Variants in DSCAM observed in about 807,000 individuals in gnomAD.
DSCAM encodes the protein cell adhesion molecule DSCAM.
Under a neutral mutation model 217.7 loss-of-function variants are expected in DSCAM, and 47 were observed. The observed-to-expected ratio is 0.22, with a 90% CI of 0.17 to 0.28. The LOEUF is 0.28. DSCAM is among the 10% of genes least tolerant of loss of function. The pLI, the probability that DSCAM is intolerant of heterozygous loss-of-function variation, is 1.00. For missense variants in DSCAM, 2,080 were observed against 2,618.3 expected (o/e 0.79, Z 4.49); for synonymous variants, 1,056 against 1,015.3 (o/e 1.04, Z -0.76).
intron 12 of DSCAM, among the ~76,000 whole-genome samples, chr21:40,188,616 AGAT>A (rs1360001891): frequency 2.0e-5 from 3 of 151,694 alleles, no homozygotes; most frequent in Non-Finnish European, 4.4e-5. Context: ...TTTTAACGAC[AGAT>A]TTTTTTTTTA....
intron 4 of DSCAM, among the ~76,000 whole-genome samples, chr21:40,364,251 C>T (rs1305602794): frequency 6.6e-6 from 1 of 152,118 alleles, no homozygotes; most frequent in East Asian, 1.9e-4. Flanking sequence ...AGGCATTATT[C>T]ACAATAGCAA....
chr21:40,501,163 T>G (rs1473832071), intron 3 of DSCAM, among the ~76,000 whole-genome samples: 1 of 152,226 alleles, frequency 6.6e-6, no homozygotes, highest in East Asian at 1.9e-4. Flanking sequence ...ATTTTTAGGA[T>G]AAGTATGCTC....
At chr21:40,762,252 G>A (rs1489753711) in intron 1 of DSCAM, among the ~76,000 whole-genome samples, 1 of 151,756 alleles carries the variant, frequency 6.6e-6, no homozygotes, top group Non-Finnish European at 1.5e-5. Context: ...GAATCAAATA[G>A]ACACAATAAA....
intron 10 of DSCAM, among the ~76,000 whole-genome samples, chr21:40,280,226 G>C (rs2123395207): frequency 7.6e-6 from 1 of 131,390 alleles, no homozygotes; most frequent in African/African-American, 3.1e-5. Flanking sequence ...CTTTTGCCCA[G>C]GTTGGAGGGC....
intron 3 of DSCAM, among the ~76,000 whole-genome samples, chr21:40,428,643 T>A (rs938148095): frequency 2.0e-5 from 3 of 152,118 alleles, no homozygotes; most frequent in Non-Finnish European, 4.4e-5. Flanking sequence ...AAGCAAAAAC[T>A]AAACGAGAAG....
chr21:40,626,515 A>C (rs1158350461), intron 3 of DSCAM, among the ~76,000 whole-genome samples: 5 of 152,232 alleles, frequency 3.3e-5, no homozygotes, highest in African/African-American at 1.2e-4. Flanking sequence ...CATTGAACTT[A>C]GAATCAAATC....
At chr21:40,639,458 G>A (rs1343806346) in intron 3 of DSCAM, among the ~76,000 whole-genome samples, 2 of 152,088 alleles carry the variant, frequency 1.3e-5, no homozygotes, top group East Asian at 1.9e-4. Context: ...TATTTTGTGC[G>A]CTCATGTTTG....
intron 3 of DSCAM, among the ~76,000 whole-genome samples, chr21:40,527,715 AAC>A (rs1226002212): frequency 6.6e-6 from 1 of 152,244 alleles, no homozygotes; most frequent in African/African-American, 2.4e-5. Flanking sequence ...AGTAATAAAT[AAC>A]AGATACACCC....
chr21:40,399,296 CAAAACA>C (rs199558211), intron 3 of DSCAM, among the ~76,000 whole-genome samples: 5,813 of 151,920 alleles, frequency 0.038, 295 homozygotes, highest in Admixed American at 0.15. Context: ...CAAAACAAAA[CAAAACA>C]AAACAAAACA....
At chr21:40,408,697 C>T (rs1039276740) in intron 3 of DSCAM, among the ~76,000 whole-genome samples, 1 of 152,124 alleles carries the variant, frequency 6.6e-6, no homozygotes, top group African/African-American at 2.4e-5. Flanking sequence ...TTTTCCTTCC[C>T]CGAGCCCACT....
chr21:40,622,809 GC>G (rs1228386499), intron 3 of DSCAM, among the ~76,000 whole-genome samples: 1 of 150,546 alleles, frequency 6.6e-6, no homozygotes, highest in East Asian at 2.0e-4. Flanking sequence ...CTCCGAGTCT[GC>G]CCCCAGGAAA....
intron 11 of DSCAM, among the ~76,000 whole-genome samples, chr21:40,218,159 T>C (rs1292027595): frequency 1.3e-5 from 2 of 152,192 alleles, no homozygotes; most frequent in African/African-American, 2.4e-5. Context: ...TTTCTTGAGT[T>C]GATTTTTGTA....
At chr21:40,712,851 C>A (rs1475494438) in intron 1 of DSCAM, among the ~76,000 whole-genome samples, 1 of 151,796 alleles carries the variant, frequency 6.6e-6, no homozygotes, top group Non-Finnish European at 1.5e-5. Flanking sequence ...GGGGTACAGG[C>A]GAAAGCCTTT....
At chr21:40,013,807 G>C (rs560299264) in intron 32 of DSCAM, among the ~76,000 whole-genome samples, 2 of 152,344 alleles carry the variant, frequency 1.3e-5, no homozygotes, top group Non-Finnish European at 2.9e-5. Context: ...GGGACGCCAA[G>C]CGAAGATGGA....
intron 3 of DSCAM, among the ~76,000 whole-genome samples, chr21:40,447,042 C>T (rs929341889): frequency 1.3e-4 from 20 of 152,140 alleles, no homozygotes; most frequent in African/African-American, 4.6e-4. Flanking sequence ...CTGTGCTGTG[C>T]TTATTCTGTC....
At chr21:40,287,197 T>C (rs2073839384) in intron 10 of DSCAM, among the ~76,000 whole-genome samples, 1 of 144,310 alleles carries the variant, frequency 6.9e-6, no homozygotes, top group Admixed American at 6.7e-5. Flanking sequence ...CAGTGTGATC[T>C]GCAGTATGAT....
chr21:40,456,477 G>C (rs897317310), intron 3 of DSCAM, among the ~76,000 whole-genome samples: 1 of 151,980 alleles, frequency 6.6e-6, no homozygotes, highest in Non-Finnish European at 1.5e-5. Context: ...TTTTCAAATG[G>C]GAAAATAGGC....
At chr21:40,679,738 T>C (rs2090379647) in intron 3 of DSCAM, among the ~76,000 whole-genome samples, 1 of 152,240 alleles carries the variant, frequency 6.6e-6, no homozygotes, top group Non-Finnish European at 1.5e-5. Flanking sequence ...ATAAACGTTT[T>C]AATAAATAAG....
intron 3 of DSCAM, among the ~76,000 whole-genome samples, chr21:40,611,963 G>A (rs1568937084): frequency 1.3e-5 from 2 of 152,292 alleles, no homozygotes; most frequent in East Asian, 3.9e-4. Flanking sequence ...GGAACATGAG[G>A]TGGGACAACC....
Sources: allele counts gnomAD v4.1 joint callset (sites outside exome capture counted in the v4.1 genomes callset), GRCh38; gene constraint gnomAD v4.1.1; transcripts MANE v1.5; gene names NCBI Gene and HGNC (gene_info 2026-07-23, HGNC 2026-07-21).